Variants in ACAN observed in about 807,000 individuals in gnomAD.
The protein encoded by ACAN is aggrecan core protein.
ACAN carries 47 observed loss-of-function variants against 169.1 expected under a neutral mutation model. The ratio of observed to expected loss-of-function variants is 0.28; its 90% CI spans 0.22 to 0.35. ACAN has a LOEUF of 0.35. Among genes scored for constraint, ACAN ranks in the 10% least tolerant of loss-of-function variants. The pLI, the probability that ACAN is intolerant of heterozygous loss-of-function variation, is 1.00. For synonymous variants in ACAN, 1,115 were observed against 1,112.2 expected, an observed-to-expected ratio of 1.00 and a Z score of -0.05; for missense variants, 2,716 against 2,759.9, an observed-to-expected ratio of 0.98 and a Z score of 0.36.
At chr15:88,817,849 G>GAAA (rs10710630) in intron 1 of ACAN, among the ~76,000 whole-genome samples, 532 of 71,918 alleles carry the variant, frequency 7.4e-3, no homozygotes, top group Non-Finnish European at 8.2e-3. Context: ...GTGAGACTCT[G>GAAA]AAAAAAAAAA....
At chr15:88,824,800 G>C (rs1332996144) in intron 1 of ACAN, among the ~76,000 whole-genome samples, 1 of 151,880 alleles carries the variant, frequency 6.6e-6, no homozygotes, top group Non-Finnish European at 1.5e-5. Flanking sequence ...AATTGCTTGA[G>C]CCCGGGAGGT....
intron 13 of ACAN, among the ~76,000 whole-genome samples, chr15:88,862,035 T>C (rs140272427): frequency 1.9e-4 from 29 of 152,316 alleles, no homozygotes; most frequent in Admixed American, 7.8e-4. Context: ...AGTAAGTGGA[T>C]TGAATCAAGA....
chr15:88,816,874 A>T (rs1202099712), intron 1 of ACAN, among the ~76,000 whole-genome samples: 1 of 152,210 alleles, frequency 6.6e-6, no homozygotes, highest in Admixed American at 6.5e-5. Context: ...AGAGGCTGTG[A>T]GCGAGAAAAA....
At chr15:88,809,395 C>T (rs981048366) in intron 1 of ACAN, among the ~76,000 whole-genome samples, 1 of 152,150 alleles carries the variant, frequency 6.6e-6, no homozygotes, top group African/African-American at 2.4e-5. Context: ...ATTTATAACA[C>T]GGAGATGCTA....
chr15:88,838,123 C>G lies in ACAN; in HGVS notation c.71-540C>G, dbSNP rs1238399308. 6.6e-6 allele frequency among the ~76,000 whole-genome samples: 1 copy of G among 152,022 alleles called. No individual in the cohort carries two copies. Among genetic ancestry groups the G allele is most frequent in the Admixed American group, 6.6e-5 (1 of 15,256 alleles). Reference sequence around the variant, plus strand: ...TTCTCCACCTGAGTCCCCTGACTCCCAAACAGCAGAAGAGAGTGACTTGTC... The same window carrying G: ...TTCTCCACCTGAGTCCCCTGACTCCGAAACAGCAGAAGAGAGTGACTTGTC... On this transcript the variant is annotated intron_variant, in intron 2 of 18. Coordinates refer to ENST00000560601, the MANE Select transcript of ACAN (RefSeq NM_001369268.1). The surrounding 1 kb of genome is among the most constrained non-coding windows in gnomAD (Gnocchi z 5.1).
chr15:88,804,584 C>A (rs769501180), intron 1 of ACAN, among the ~76,000 whole-genome samples: 2 of 152,186 alleles, frequency 1.3e-5, no homozygotes, highest in East Asian at 3.9e-4. Context: ...CCTCTTCAAA[C>A]GAAGCCAATG....
In ACAN at chr15:88,857,837, G is replaced by C. The variant is rs371211794; in HGVS notation, c.5252G>C (p.Gly1751Ala). ...GFPDTSGETS[G>A]VTELSGLSSG... ...CCTGACACTAGTGGGGAAACATCTG[G>C]AGTGACTGAGCTTAGCGGGCTGTCC... is the stretch of plus-strand genomic sequence containing the variant. The change falls in exon 12 of 19, where the codon GGA becomes GCA. Residue 1751 changes from glycine to alanine, a missense_variant. Coordinates refer to ENST00000560601, the MANE Select transcript of ACAN (RefSeq NM_001369268.1). 6.2e-7 allele frequency: 1 copy of C among 1,613,768 alleles called. No individual in the cohort carries two copies. The highest frequency in any genetic ancestry group is 8.5e-7 in the Non-Finnish European group (1 of 1,179,906).
chr15:88,857,187 T>C lies in ACAN; in HGVS notation c.4602T>C (p.Val1534=). ...GCAGGCTCCCTTCTGGAGAAGAAGT[T>C]CTAGAGATTTCTGCCTCTGGATTTG... ...DLSRLPSGEE[V]LEISASGFGD... is the part of the protein sequence containing the mutation. The change falls in exon 12 of 19, where the codon GTT becomes GTC. Residue 1534 remains valine, a synonymous_variant. Transcript: ENST00000560601. 6.2e-7 allele frequency: 1 copy of C among 1,613,706 alleles called. No individual in the cohort carries two copies. The highest frequency in any genetic ancestry group is 8.5e-7 in the Non-Finnish European group (1 of 1,179,796).
rs1555450501 is a variant in ACAN at position 88,807,785 on chromosome 15, T to TGTGC, written c.-8+3977_-8+3978insTGCG. The stretch of plus-strand genomic sequence containing the variant: ...GTGTGTGTGTGTGTGTGTGTGTGTG[T>TGTGC]GCATGCTGGCAGGGCGGGCCCTGCG... On this transcript the variant is annotated intron_variant, in intron 1 of 18. Transcript: ENST00000560601. The surrounding 1 kb of genome is among the most constrained non-coding windows in gnomAD (Gnocchi z 4.0). Among the ~76,000 whole-genome samples, 554 of 151,692 alleles carry TGTGC rather than the reference T, an allele frequency of 3.7e-3. No individual in the cohort carries two copies. Among genetic ancestry groups the TGTGC allele is most frequent in the Non-Finnish European group, 6.7e-3 (456 of 67,796 alleles).
Position 88,857,695 on chromosome 15 carries a change from G to A in ACAN, c.5110G>A (p.Gly1704Arg), listed in dbSNP as rs1897089500. The change falls in exon 12 of 19, where the codon GGG becomes AGG. Residue 1704 changes from glycine (G) to arginine (R), a missense_variant. By Grantham distance (125) the Gly-to-Arg change is moderately radical (BLOSUM62 -2). This residue lies in a region of ACAN where 1,389 missense variants were observed against 1,363.7 expected (regional missense o/e 1.02). Transcript: ENST00000560601. ...GCCCTCCAGTGAGCTGGACATTAGT[G>A]GGAGAGCTAGTGGACTCCCTTCAGG... Reference protein sequence around the residue: ...GLPSSELDISGRASGLPSGTE... With the variant: ...GLPSSELDISRRASGLPSGTE... 6.2e-7 allele frequency: 1 copy of A among 1,613,900 alleles called. No individual in the cohort carries two copies. Among genetic ancestry groups the A allele is most frequent in the Admixed American group, 1.7e-5 (1 of 60,014 alleles).
rs1896925103 is a variant in ACAN, at chr15:88,851,328, G to A, written c.2027-466G>A. The A allele has an allele frequency of 6.5e-6, 1 of 154,652 alleles. No homozygotes were observed. The highest frequency in any genetic ancestry group is 1.4e-5 in the Non-Finnish European group (1 of 69,774). The allele number at this position is 154,652 out of a possible 1,614,324, so 9.6% of individuals were successfully genotyped here. ...GTGACACACTTGGAACATAATCCCT[G>A]TCCCCCAAGGTTGTTCAGTAGTTGA... On this transcript the variant is annotated intron_variant, in intron 10 of 18. Coordinates refer to ENST00000560601, the MANE Select transcript of ACAN (RefSeq NM_001369268.1). The surrounding 1 kb of genome is among the most constrained non-coding windows in gnomAD (Gnocchi z 4.3).
intron 13 of ACAN, among the ~76,000 whole-genome samples, chr15:88,867,587 AAAT>A (rs1289545223): frequency 6.6e-6 from 1 of 152,182 alleles, no homozygotes; most frequent in Non-Finnish European, 1.5e-5. Flanking sequence ...AGAGATTCTA[AAAT>A]AATATCTACT....
chr15:88,873,956 G>A lies in ACAN; in HGVS notation c.7562G>A (p.Arg2521His), dbSNP rs368796568. Reference protein sequence around the residue: ...RYQCTEGFVQRHMPTIRCQPS... With the variant: ...RYQCTEGFVQHHMPTIRCQPS... ...CAGTGCACAGAGGGGTTTGTCCAGCGCCACATGCCCACCATCCGGTGCCAG... is the reference window on the plus strand; with the variant it reads ...CAGTGCACAGAGGGGTTTGTCCAGCACCACATGCCCACCATCCGGTGCCAG... The change falls in exon 18 of 19, where the codon CGC becomes CAC. Residue 2521 changes from arginine (R) to histidine (H), a missense_variant. Coordinates refer to ENST00000560601, the MANE Select transcript of ACAN (RefSeq NM_001369268.1). This position sits in a 1 kb window ranked among gnomAD's most constrained non-coding sequence, Gnocchi z 7.5. 56 of 1,613,284 alleles carry A rather than the reference G, an allele frequency of 3.5e-5. No homozygotes were observed. The highest frequency in any genetic ancestry group is 1.2e-4 in the African/African-American group (9 of 74,914).
Position 88,874,350 on chromosome 15 carries a change from C to G in ACAN, c.7631-55C>G. On this transcript the variant is annotated intron_variant, in intron 18 of 18. Transcript: ENST00000560601. This position sits in a 1 kb window ranked among gnomAD's most constrained non-coding sequence, Gnocchi z 7.3. Reference sequence around the variant, plus strand: ...GGGTAGTCTGGGGAGAGCCTGGGCTCGCCCCACTTTCTTTCCAGGTCCACT... The same window carrying G: ...GGGTAGTCTGGGGAGAGCCTGGGCTGGCCCCACTTTCTTTCCAGGTCCACT... The G allele has an allele frequency of 2.0e-6, 3 of 1,492,400 alleles. No individual in the cohort carries two copies. The highest frequency in any genetic ancestry group is 2.7e-6 in the Non-Finnish European group (3 of 1,092,360). 92.4% of individuals were successfully genotyped at this position (1,492,400 alleles called of 1,614,324 possible). A position where few individuals can be genotyped will look rare whatever the true frequency, so the allele number is the denominator to read the frequency against.
intron 2 of ACAN, 49 bp downstream of exon 2, chr15:88,836,325 T>C (rs768643230): frequency 6.7e-7 from 1 of 1,496,188 alleles, no homozygotes; most frequent in East Asian, 2.3e-5. Flanking sequence ...GCATGAGTAG[T>C]GGGTTTGAGT....
In ACAN at chr15:88,874,316, A is replaced by T; in HGVS notation, c.7631-89A>T. ...AGGCGCCTGAGTCCTGGTTTCCACA[A>T]GGGAGAGAGGGTAGTCTGGGGAGAG... is the stretch of plus-strand genomic sequence containing the variant. On this transcript the variant is annotated intron_variant, in intron 18 of 18. Coordinates refer to ENST00000560601, the MANE Select transcript of ACAN (RefSeq NM_001369268.1). This position sits in a 1 kb window ranked among gnomAD's most constrained non-coding sequence, Gnocchi z 7.3. 1 of 1,311,148 alleles carries T rather than the reference A, an allele frequency of 7.6e-7. No individual in the cohort carries two copies. The highest frequency in any genetic ancestry group is 1.1e-6 in the Non-Finnish European group (1 of 929,926). 81.2% of individuals were successfully genotyped at this position (1,311,148 alleles called of 1,614,324 possible). A position where few individuals can be genotyped will look rare whatever the true frequency, so the allele number is the denominator to read the frequency against.
intron 13 of ACAN, among the ~76,000 whole-genome samples, chr15:88,867,650 C>T (rs1488890359): frequency 7.1e-6 from 1 of 140,608 alleles, no homozygotes. Flanking sequence ...CTCACGCAAA[C>T]ATCCCATGCT....
intron 10 of ACAN, chr15:88,850,186 A>T (rs1896900411): frequency 3.2e-6 from 1 of 308,284 alleles, no homozygotes; most frequent in South Asian, 8.8e-5. Context: ...TGTAATATAT[A>T]GCTTTATTTT....
rs773794233 is a variant in ACAN, at chr15:88,847,339, C to G, written c.1526C>G (p.Ser509Trp). 5 of 1,584,086 alleles carry G rather than the reference C, an allele frequency of 3.2e-6. No homozygotes were observed. The highest frequency in any genetic ancestry group is 4.3e-6 in the Non-Finnish European group (5 of 1,166,404). Residue 509 changes from serine (S) to tryptophan (W), a missense_variant, in exon 8 of 19, where the codon TCG (serine) becomes TGG (tryptophan). By Grantham distance (177) the Ser-to-Trp change is radical. Coordinates refer to ENST00000560601, the MANE Select transcript of ACAN (RefSeq NM_001369268.1). ...ACLRTGAVIA[S>W]PEQLQAAYEA... ...CTGCGCACGGGGGCGGTCATTGCCT[C>G]GCCGGAGCAGCTCCAGGCCGCCTAC...
Sources: gnomAD v4.1 joint callset for allele counts (sites outside exome capture counted in the v4.1 genomes callset) on GRCh38, gnomAD v4.1.1 for gene constraint, gnomAD v4.1.1 regional missense constraint, Gnocchi (gnomAD v3.1) non-coding constraint, MANE v1.5 for transcripts, NCBI Gene and HGNC (gene_info 2026-07-23, HGNC 2026-07-21) for gene names.